Variants in LPCAT3 observed in about 807,000 individuals in gnomAD.
LPCAT3 encodes lysophospholipid acyltransferase 5.
LPCAT3 carries 21 observed loss-of-function variants against 63.4 expected under a neutral mutation model. That is an observed-to-expected ratio of 0.33 (90% CI 0.23 to 0.48). The LOEUF (loss-of-function observed/expected upper bound fraction) is 0.48. Ranked by LOEUF, LPCAT3 falls within the 20% of genes least tolerant of loss-of-function variation. The pLI is 0.99. For missense variants in LPCAT3, 451 were observed against 590.6 expected (o/e 0.76, Z 2.45); for synonymous variants, 242 against 227.5 (o/e 1.06, Z -0.58).
In LPCAT3 at chr12:6,978,355, G is replaced by A. The variant is rs376712653; in HGVS notation, c.1026C>T (p.Asn342=). Residue 342 remains asparagine (N), a synonymous_variant, in exon 9 of 13, where the codon AAC becomes AAT. Coordinates refer to ENST00000261407, the MANE Select transcript of LPCAT3 (RefSeq NM_005768.6). ...GTIASFNINT[N]AWVARYIFKR... ...CAGCAGCTCACCGGGCCACCCAGGC[G>A]TTGGTGTTGATGTTGAATGAGGCAA... 1.4e-5 allele frequency: 23 copies of A among 1,610,972 alleles called. No homozygotes were observed. The highest frequency in any genetic ancestry group is 4.5e-5 in the East Asian group (2 of 44,854).
chr12:7,008,379 C>A (rs1335799722), intron 1 of LPCAT3, among the ~76,000 whole-genome samples: 2 of 152,164 alleles, frequency 1.3e-5, no homozygotes, highest in Middle Eastern at 6.8e-3. Flanking sequence ...ATCTTAAAAA[C>A]TCTGTGCTTG....
At position 6,987,523 on chromosome 12, in the gene LPCAT3, AG is replaced by A. The variant is rs1284490257; in HGVS notation, c.152-3985del. On this transcript the variant is annotated intron_variant, in intron 1 of 12. Transcript: ENST00000261407. The surrounding 1 kb of genome is among the most constrained non-coding windows in gnomAD (Gnocchi z 4.1). The stretch of plus-strand genomic sequence containing the variant: ...GCAAATATTGCTAAGAACTAGAGCC[AG>A]GAACTAGAAAGTATATAGACTAAAT... Among the ~76,000 whole-genome samples, 3 of 152,266 alleles carry A rather than the reference AG, an allele frequency of 2.0e-5. No homozygotes were observed. Among genetic ancestry groups the A allele is most frequent in the African/African-American group, 2.4e-5 (1 of 41,472 alleles).
chr12:6,985,651 T>C lies in LPCAT3; in HGVS notation c.152-2112A>G, dbSNP rs218741. 5.5e-3 allele frequency among the ~76,000 whole-genome samples: 817 copies of C among 148,652 alleles called. 8 individuals carry two copies. Among genetic ancestry groups the C allele is most frequent in the African/African-American group, 0.019 (768 of 40,392 alleles). Reference sequence around the variant, plus strand: ...AATCACTTGAACCTGGGAGGCAGAGTTTGCAGTGAGCTGAGATCGTGCCAT... The same window carrying C: ...AATCACTTGAACCTGGGAGGCAGAGCTTGCAGTGAGCTGAGATCGTGCCAT... On this transcript the variant is annotated intron_variant, in intron 1 of 12. Coordinates refer to ENST00000261407, the MANE Select transcript of LPCAT3 (RefSeq NM_005768.6).
chr12:7,013,524 A>T (rs1471419140), intron 1 of LPCAT3, among the ~76,000 whole-genome samples: 1 of 152,150 alleles, frequency 6.6e-6, no homozygotes, highest in Non-Finnish European at 1.5e-5. Flanking sequence ...TGGATCTGAG[A>T]CACAATCCAG....
Position 6,981,041 on chromosome 12 carries a change from C to A in LPCAT3, c.640G>T (p.Gly214Ter). ...TTTCCTGGTATGTCAATCAGCTCTC[C>A]CTGCACCAGCTTCATGTAGTGATTC... ...SMNHYMKLVQ[G>*]ELIDIPGKIP... The change falls in exon 6 of 13, where the codon GGA becomes TGA. Residue 214 changes from glycine to a stop codon, truncating the protein, a stop_gained. Transcript: ENST00000261407. LOFTEE classifies it high-confidence loss of function. The A allele has an allele frequency of 1.9e-6, 3 of 1,610,082 alleles. No homozygotes were observed. The highest frequency in any genetic ancestry group is 2.5e-6 in the Non-Finnish European group (3 of 1,178,506).
chr12:6,979,999 A>G (rs1555153865), intron 6 of LPCAT3: 1 of 161,968 alleles, frequency 6.2e-6, no homozygotes, highest in Admixed American at 6.4e-5. Context: ...TTCTCAGTGA[A>G]GGAATTCTTC....
chr12:6,983,626 GC>G, intron 1 of LPCAT3, 87 bp from the exon 2 acceptor site: 1 of 783,562 alleles, frequency 1.3e-6, no homozygotes, highest in Middle Eastern at 2.3e-4. Flanking sequence ...ATGAAACGCA[GC>G]CCAGAGGGAG....
chr12:6,997,010 GAA>G (rs57621837), intron 1 of LPCAT3, among the ~76,000 whole-genome samples: 8 of 149,548 alleles, frequency 5.3e-5, no homozygotes, highest in African/African-American at 1.7e-4. Flanking sequence ...TGATAAATGG[GAA>G]AAAAAAAATC....
chr12:6,992,666 C>T (rs782730416), intron 1 of LPCAT3, among the ~76,000 whole-genome samples: 5 of 152,188 alleles, frequency 3.3e-5, no homozygotes, highest in Non-Finnish European at 5.9e-5. Context: ...TCTTCTAATA[C>T]CCAAATCCAC....
At chr12:7,002,944 G>A (rs1311293412) in intron 1 of LPCAT3, among the ~76,000 whole-genome samples, 1 of 152,192 alleles carries the variant, frequency 6.6e-6, no homozygotes, top group Non-Finnish European at 1.5e-5. Context: ...GGAAGGCAGA[G>A]GTTGCAGTGA....
At chr12:6,998,681 G>A (rs1449752991) in intron 1 of LPCAT3, among the ~76,000 whole-genome samples, 1 of 152,164 alleles carries the variant, frequency 6.6e-6, no homozygotes, top group African/African-American at 2.4e-5. Flanking sequence ...TTTAGGTGGG[G>A]ATATAGCCAC....
In LPCAT3 at chr12:7,017,512, T is replaced by C. The variant is rs1946804019; in HGVS notation, c.151+762A>G. ...TATGCTACCTCCATGTATTAAACCA[T>C]GGAGTGAGGATGCGGTAAAAAAGCC... On this transcript the variant is annotated intron_variant, in intron 1 of 12. Coordinates refer to ENST00000261407, the MANE Select transcript of LPCAT3 (RefSeq NM_005768.6). The surrounding 1 kb of genome is among the most constrained non-coding windows in gnomAD (Gnocchi z 4.1). 6.6e-6 allele frequency among the ~76,000 whole-genome samples: 1 copy of C among 152,134 alleles called. No homozygotes were observed. Among genetic ancestry groups the C allele is most frequent in the South Asian group, 2.1e-4 (1 of 4,834 alleles).
chr12:6,993,496 C>T (rs1555155748), intron 1 of LPCAT3, among the ~76,000 whole-genome samples: 2 of 152,070 alleles, frequency 1.3e-5, no homozygotes, highest in African/African-American at 2.4e-5. Context: ...AGAATATCTT[C>T]ATCACCTCAA....
chr12:6,981,076 TG>T lies in LPCAT3; in HGVS notation c.604del (p.Gln202SerfsTer4). The T allele has an allele frequency of 6.2e-7, 1 of 1,613,998 alleles. No individual in the cohort carries two copies. Among genetic ancestry groups the T allele is most frequent in the Non-Finnish European group, 8.5e-7 (1 of 1,179,950 alleles). Reference sequence around the variant, plus strand: ...CTTCATGTAGTGATTCATTGAGAACTGGGGCCCTACCAAGAAGGCCCCATAG... The same window carrying T: ...CTTCATGTAGTGATTCATTGAGAACTGGGCCCTACCAAGAAGGCCCCATAG... ...YFYGAFLVGP[Q>X]FSMNHYMKLV... On this transcript the variant is annotated frameshift_variant, in exon 6 of 13. Coordinates refer to ENST00000261407, the MANE Select transcript of LPCAT3 (RefSeq NM_005768.6). LOFTEE classifies it high-confidence loss of function.
chr12:7,004,310 A>G (rs996234344), intron 1 of LPCAT3, among the ~76,000 whole-genome samples: 62 of 152,192 alleles, frequency 4.1e-4, no homozygotes, highest in African/African-American at 1.5e-3. Flanking sequence ...GGAGTTTCAG[A>G]CTAGCAGCTG....
intron 2 of LPCAT3, 148 bp from the exon 3 acceptor site, chr12:6,982,930 ATTAT>A (rs1946485618): frequency 1.5e-6 from 1 of 667,594 alleles, no homozygotes. Context: ...GAGGATGGAA[ATTAT>A]TTATTAAAAT....
chr12:6,984,864 C>T lies in LPCAT3; in HGVS notation c.152-1325G>A, dbSNP rs183635296. Among the ~76,000 whole-genome samples the T allele has an allele frequency of 1.6e-3, 250 of 152,264 alleles. 1 individual carries two copies. Among genetic ancestry groups the T allele is most frequent in the Non-Finnish European group, 2.8e-3 (190 of 68,014 alleles). On this transcript the variant is annotated intron_variant, in intron 1 of 12. Transcript: ENST00000261407. ...CCTCCCAAAGTGTTGGGATTACAGGCGTGAGTCACTGTGCCTGATGAATTG... is the reference window on the plus strand; with the variant it reads ...CCTCCCAAAGTGTTGGGATTACAGGTGTGAGTCACTGTGCCTGATGAATTG...
chr12:7,014,892 CAA>C (rs375839002), intron 1 of LPCAT3, among the ~76,000 whole-genome samples: 14 of 57,588 alleles, frequency 2.4e-4, no homozygotes, highest in South Asian at 6.2e-4. Flanking sequence ...GACTCCGTCT[CAA>C]AAAAAAAAAA....
chr12:7,017,605 G>A lies in LPCAT3; in HGVS notation c.151+669C>T, dbSNP rs1555157714. On this transcript the variant is annotated intron_variant, in intron 1 of 12. Coordinates refer to ENST00000261407, the MANE Select transcript of LPCAT3 (RefSeq NM_005768.6). This position sits in a 1 kb window ranked among gnomAD's most constrained non-coding sequence, Gnocchi z 4.1. Reference sequence around the variant, plus strand: ...ATACACCACATCCTTTGAACCACACGTGTAATAAACGCTTGGAATAGTATG... The same window carrying A: ...ATACACCACATCCTTTGAACCACACATGTAATAAACGCTTGGAATAGTATG... Among the ~76,000 whole-genome samples the A allele has an allele frequency of 6.6e-6, 1 of 152,120 alleles. No homozygotes were observed. The highest frequency in any genetic ancestry group is 2.4e-5 in the African/African-American group (1 of 41,416).
Sources: gnomAD v4.1 joint callset for allele counts (sites outside exome capture counted in the v4.1 genomes callset) on GRCh38, gnomAD v4.1.1 for gene constraint, Gnocchi (gnomAD v3.1) non-coding constraint, MANE v1.5 for transcripts, NCBI Gene and HGNC (gene_info 2026-07-23, HGNC 2026-07-21) for gene names.